LINGO2: variants seen among roughly 807,000 people sequenced by gnomAD.
LINGO2 encodes the protein leucine rich repeat and Ig domain containing 2.
Under a neutral mutation model 30.6 loss-of-function variants are expected in LINGO2, and 14 were observed. The ratio of observed to expected loss-of-function variants is 0.46; its 90% CI spans 0.30 to 0.72. LINGO2 has a LOEUF of 0.72. LINGO2 is among the 30% of genes least tolerant of loss of function. The probability of loss-of-function intolerance (pLI) is 0.07; values close to 1 mark genes in which losing one functional copy is unlikely to be tolerated. For missense variants in LINGO2, 729 were observed against 751.7 expected (o/e 0.97, Z 0.35); for synonymous variants, 317 against 288.5 (o/e 1.10, Z -1.00).
intron 1 of LINGO2, among the ~76,000 whole-genome samples, chr9:28,503,250 T>C (rs1408455452): frequency 6.6e-6 from 1 of 152,044 alleles, no homozygotes; most frequent in Non-Finnish European, 1.5e-5. Flanking sequence ...CGAAAGTATA[T>C]AAATACATTA....
the LINGO2 span, among the ~76,000 whole-genome samples, chr9:29,195,686 AT>A: frequency 6.6e-6 from 1 of 152,282 alleles, no homozygotes; most frequent in African/African-American, 2.4e-5. Context: ...ATAGAAAAAA[AT>A]ATTTTGCTAA....
chr9:28,321,384 A>G (rs1173752012), intron 3 of LINGO2, among the ~76,000 whole-genome samples: 4 of 152,162 alleles, frequency 2.6e-5, no homozygotes, highest in Admixed American at 6.5e-5. Flanking sequence ...GAAACTACAT[A>G]AAAGACATGC....
chr9:28,064,571 T>G (rs969821167), intron 4 of LINGO2, among the ~76,000 whole-genome samples: 16 of 152,148 alleles, frequency 1.1e-4, no homozygotes, highest in African/African-American at 3.9e-4. Context: ...TCCTATCTGT[T>G]AGTAATATCT....
intron 3 of LINGO2, among the ~76,000 whole-genome samples, chr9:28,333,502 G>T (rs1825491579): frequency 6.6e-6 from 1 of 152,124 alleles, no homozygotes; most frequent in African/African-American, 2.4e-5. Context: ...ACTTGATGGA[G>T]CTGATAAGGG....
At chr9:28,395,681 A>G (rs1002994710) in intron 2 of LINGO2, among the ~76,000 whole-genome samples, 4 of 152,218 alleles carry the variant, frequency 2.6e-5, no homozygotes, top group East Asian at 1.9e-4. Context: ...CCATTTATAT[A>G]CTTAAACAGA....
At chr9:29,059,169 A>G in the LINGO2 span, among the ~76,000 whole-genome samples, 3 of 152,038 alleles carry the variant, frequency 2.0e-5, no homozygotes, top group Middle Eastern at 0.01. Flanking sequence ...CAATATTAAT[A>G]GATTGGAGAA....
chr9:29,173,816 A>C, the LINGO2 span, among the ~76,000 whole-genome samples: 1 of 152,252 alleles, frequency 6.6e-6, no homozygotes, highest in African/African-American at 2.4e-5. Flanking sequence ...TAAATATGTA[A>C]TTCATGAGAA....
At chr9:28,247,470 G>A (rs1822044662) in intron 4 of LINGO2, among the ~76,000 whole-genome samples, 1 of 152,124 alleles carries the variant, frequency 6.6e-6, no homozygotes, top group Non-Finnish European at 1.5e-5. Flanking sequence ...GAAGCTGGAA[G>A]TCATCATACT....
the LINGO2 span, among the ~76,000 whole-genome samples, chr9:28,675,292 G>T: frequency 6.6e-6 from 1 of 152,038 alleles, no homozygotes; most frequent in African/African-American, 2.4e-5. Context: ...GGAAGTAGTG[G>T]GAGCAAAGGT....
the LINGO2 span, among the ~76,000 whole-genome samples, chr9:28,744,238 T>C: frequency 5.8e-4 from 88 of 152,124 alleles, no homozygotes; most frequent in Non-Finnish European, 1.1e-3. Context: ...AACAGTGTCA[T>C]AGTAACTTCC....
intron 4 of LINGO2, among the ~76,000 whole-genome samples, chr9:28,272,249 C>G (rs572725180): frequency 2.0e-5 from 3 of 152,238 alleles, no homozygotes; most frequent in African/African-American, 7.2e-5. Flanking sequence ...GAGAACAGAT[C>G]GTGTTCCTCT....
intron 4 of LINGO2, among the ~76,000 whole-genome samples, chr9:28,287,861 T>G (rs964921120): frequency 6.6e-6 from 1 of 152,206 alleles, no homozygotes; most frequent in Non-Finnish European, 1.5e-5. Context: ...TTTCATCCTT[T>G]GTATGAAGGG....
the LINGO2 span, among the ~76,000 whole-genome samples, chr9:28,921,637 A>C: frequency 6.7e-6 from 1 of 149,778 alleles, no homozygotes; most frequent in South Asian, 2.1e-4. Flanking sequence ...GCAAGGAGGA[A>C]GAGAGAGAGA....
intron 1 of LINGO2, among the ~76,000 whole-genome samples, chr9:28,594,237 T>C (rs532489491): frequency 1.3e-5 from 2 of 152,182 alleles, no homozygotes; most frequent in African/African-American, 4.8e-5. Context: ...GCACTTTTTC[T>C]TCTGTGGTCT....
chr9:28,736,611 C>A, the LINGO2 span, among the ~76,000 whole-genome samples: 1 of 151,798 alleles, frequency 6.6e-6, no homozygotes, highest in African/African-American at 2.4e-5. Flanking sequence ...GTCAATATGG[C>A]GAAACCCCAT....
intron 4 of LINGO2, among the ~76,000 whole-genome samples, chr9:28,027,164 G>A (rs911135483): frequency 5.9e-5 from 9 of 152,146 alleles, no homozygotes; most frequent in African/African-American, 2.2e-4. Flanking sequence ...GATAACCCTA[G>A]AAGCACTTAA....
intron 1 of LINGO2, among the ~76,000 whole-genome samples, chr9:28,567,392 C>T (rs918474703): frequency 2.0e-5 from 3 of 152,064 alleles, no homozygotes; most frequent in Non-Finnish European, 4.4e-5. Flanking sequence ...ACAGAATCAA[C>T]CTAAGGGTCC....
the LINGO2 span, among the ~76,000 whole-genome samples, chr9:28,739,456 G>A: frequency 1.3e-5 from 2 of 151,842 alleles, no homozygotes; most frequent in African/African-American, 4.8e-5. Flanking sequence ...TGAATGAAAA[G>A]AGTAAATACA....
chr9:28,823,846 G>C, the LINGO2 span, among the ~76,000 whole-genome samples: 2 of 152,228 alleles, frequency 1.3e-5, 1 homozygote, highest in Admixed American at 1.3e-4. Context: ...CAGTCTCATT[G>C]TTCTCAGGTG....
Sources: allele counts gnomAD v4.1 joint callset (sites outside exome capture counted in the v4.1 genomes callset), GRCh38; gene constraint gnomAD v4.1.1; transcripts MANE v1.5; gene names NCBI Gene and HGNC (gene_info 2026-07-23, HGNC 2026-07-21).